ZFP91: variants seen among roughly 807,000 people sequenced by gnomAD.
ZFP91 encodes E3 ubiquitin-protein ligase ZFP91.
Under a neutral mutation model 63.5 loss-of-function variants are expected in ZFP91, and 7 were observed. The ratio of observed to expected loss-of-function variants is 0.11; its 90% CI spans 0.06 to 0.21. The LOEUF is 0.21. Ranked by LOEUF, ZFP91 falls within the 10% of genes least tolerant of loss-of-function variation. The pLI is 1.00. For missense variants in ZFP91, 628 were observed against 736.6 expected (o/e 0.85, Z 1.71); for synonymous variants, 330 against 272.1 (o/e 1.21, Z -2.10).
chr11:58,579,950 C>T (rs1451550424), intron 1 of ZFP91, among the ~76,000 whole-genome samples: 1 of 152,192 alleles, frequency 6.6e-6, no homozygotes, highest in Non-Finnish European at 1.5e-5. Context: ...CCTTTGTCAC[C>T]CTATCCCTTT....
chr11:58,616,057 A>G lies in ZFP91; in HGVS notation c.1103-659A>G, dbSNP rs577470132. Reference sequence around the variant, plus strand: ...TTACCACATTCATCAGAAATCCTGCATAATGGGGTTGAGGGTGTTGTGAGT... The same window carrying G: ...TTACCACATTCATCAGAAATCCTGCGTAATGGGGTTGAGGGTGTTGTGAGT... On this transcript the variant is annotated intron_variant, in intron 9 of 10. Coordinates refer to ENST00000316059, the MANE Select transcript of ZFP91 (RefSeq NM_053023.5). Among the ~76,000 whole-genome samples the G allele has an allele frequency of 2.6e-5, 4 of 152,244 alleles. No homozygotes were observed. The East Asian group carries it at 5.8e-4, about 22-fold the overall frequency.
chr11:58,614,034 A>G (rs1855709476), intron 8 of ZFP91, among the ~76,000 whole-genome samples, 195 bp from the exon 9 acceptor site: 1 of 152,178 alleles, frequency 6.6e-6, no homozygotes, highest in African/African-American at 2.4e-5. Flanking sequence ...AGGCTAGTGA[A>G]TGACAGACCC....
At chr11:58,592,376 C>T (rs913087194) in intron 2 of ZFP91, among the ~76,000 whole-genome samples, 11 of 152,016 alleles carry the variant, frequency 7.2e-5, no homozygotes, top group Non-Finnish European at 1.0e-4. Context: ...CATGATCCAC[C>T]GTGTCCAGTC....
intron 8 of ZFP91, among the ~76,000 whole-genome samples, chr11:58,613,409 C>T (rs1045443032): frequency 3.9e-5 from 6 of 152,136 alleles, no homozygotes; most frequent in African/African-American, 1.4e-4. Flanking sequence ...CGCCTTCCAA[C>T]ACTATCACAT....
chr11:58,616,700 A>G lies in ZFP91; in HGVS notation c.1103-16A>G. On this transcript the variant is annotated splice_polypyrimidine_tract_variant and intron_variant, in intron 9 of 10. Coordinates refer to ENST00000316059, the MANE Select transcript of ZFP91 (RefSeq NM_053023.5). Reference sequence around the variant, plus strand: ...GGTATCTAAATAGAACACTAACCACAGTATTTTCTTCATAGATCAAAGGGA... The same window carrying G: ...GGTATCTAAATAGAACACTAACCACGGTATTTTCTTCATAGATCAAAGGGA... The G allele has an allele frequency of 1.2e-6, 2 of 1,607,190 alleles. No individual in the cohort carries two copies. The highest frequency in any genetic ancestry group is 1.7e-6 in the Non-Finnish European group (2 of 1,174,064).
At chr11:58,602,340 G>T (rs2134409238) in intron 2 of ZFP91, among the ~76,000 whole-genome samples, 1 of 152,176 alleles carries the variant, frequency 6.6e-6, no homozygotes, top group South Asian at 2.1e-4. Context: ...TTCTGTTATT[G>T]AAAGTGGGAT....
chr11:58,616,175 C>T (rs961748157), intron 9 of ZFP91, among the ~76,000 whole-genome samples: 10 of 152,164 alleles, frequency 6.6e-5, no homozygotes, highest in African/African-American at 2.4e-4. Flanking sequence ...ATAGCAGCAA[C>T]TCCAGTCTTT....
At chr11:58,604,836 T>TGGAC (rs1855545985) in intron 2 of ZFP91, among the ~76,000 whole-genome samples, 1 of 152,228 alleles carries the variant, frequency 6.6e-6, no homozygotes, top group Non-Finnish European at 1.5e-5. Flanking sequence ...GCCAAAAGAT[T>TGGAC]GGACAACCAG....
At chr11:58,606,913 C>T (rs1305558578) in intron 2 of ZFP91, among the ~76,000 whole-genome samples, 2 of 152,018 alleles carry the variant, frequency 1.3e-5, no homozygotes, top group South Asian at 2.1e-4. Flanking sequence ...TGTGGAGGGA[C>T]ATTTTTGCTG....
intron 7 of ZFP91, 53 bp from the exon 8 acceptor site, chr11:58,612,709 C>T (rs550620230): frequency 1.4e-6 from 2 of 1,389,728 alleles, no homozygotes; most frequent in Non-Finnish European, 2.0e-6. Flanking sequence ...GGCCACTGTG[C>T]AGAGTACCAC....
chr11:58,583,951 A>G (rs1013318210), intron 1 of ZFP91, among the ~76,000 whole-genome samples: 8 of 152,012 alleles, frequency 5.3e-5, no homozygotes, highest in Admixed American at 6.5e-5. Context: ...CTGTTCAGAG[A>G]TACTCTGTGG....
chr11:58,579,261 G>A lies in ZFP91; in HGVS notation c.-21G>A. ...CGCCTCCGCCGCCTAGGACTAGGGG[G>A]TGGGGGACGGACAAGCCCCGATGCC... On this transcript the variant is annotated 5_prime_UTR_variant, in exon 1 of 11. In the 5' UTR this introduces an upstream ATG that the reference lacks. Coordinates refer to ENST00000316059, the MANE Select transcript of ZFP91 (RefSeq NM_053023.5). The A allele has an allele frequency of 7.1e-7, 1 of 1,415,768 alleles. No homozygotes were observed. The highest frequency in any genetic ancestry group is 3.0e-5 in the East Asian group (1 of 33,318). 87.7% of individuals were successfully genotyped at this position (1,415,768 alleles called of 1,614,324 possible).
At chr11:58,595,572 CTTTTTT>C (rs34767843) in intron 2 of ZFP91, among the ~76,000 whole-genome samples, 6 of 136,818 alleles carry the variant, frequency 4.4e-5, no homozygotes, top group Non-Finnish European at 1.6e-5. Flanking sequence ...TAGTATCAAT[CTTTTTT>C]TTTTTTTTTT....
chr11:58,595,419 AT>A (rs1855380583), intron 2 of ZFP91, among the ~76,000 whole-genome samples: 1 of 152,128 alleles, frequency 6.6e-6, no homozygotes. Context: ...AACTTAAAGT[AT>A]TTTATCATGA....
intron 2 of ZFP91, among the ~76,000 whole-genome samples, chr11:58,590,952 C>G (rs1214882694): frequency 1.3e-5 from 2 of 151,184 alleles, no homozygotes; most frequent in Non-Finnish European, 2.9e-5. Flanking sequence ...TAGAGAAATC[C>G]TATTAAAATG....
intron 2 of ZFP91, among the ~76,000 whole-genome samples, chr11:58,587,146 T>C (rs7928565): frequency 0.011 from 1,689 of 152,238 alleles, 10 homozygotes; most frequent in Non-Finnish European, 0.013. Flanking sequence ...TTTTTCAAAC[T>C]GAAATAATAA....
intron 1 of ZFP91, among the ~76,000 whole-genome samples, chr11:58,582,204 T>C (rs142263575): frequency 1.5e-3 from 222 of 152,264 alleles, no homozygotes; most frequent in African/African-American, 5.0e-3. Flanking sequence ...ATGCATTAAT[T>C]AGTGGAGATA....
At chr11:58,582,447 C>G (rs914102621) in intron 1 of ZFP91, among the ~76,000 whole-genome samples, 1 of 152,134 alleles carries the variant, frequency 6.6e-6, no homozygotes, top group Non-Finnish European at 1.5e-5. Flanking sequence ...TTTTCCATAT[C>G]CCAGCATTTC....
chr11:58,590,423 G>A (rs1363014717), intron 2 of ZFP91, among the ~76,000 whole-genome samples: 1 of 152,114 alleles, frequency 6.6e-6, no homozygotes, highest in African/African-American at 2.4e-5. Context: ...TGGTCATTCA[G>A]TTCAGACTTG....
Sources: gnomAD v4.1 joint callset for allele counts (sites outside exome capture counted in the v4.1 genomes callset) on GRCh38, gnomAD v4.1.1 for gene constraint, MANE v1.5 for transcripts, NCBI Gene and HGNC (gene_info 2026-07-23, HGNC 2026-07-21) for gene names.